The following SLC25A28 variants were observed in gnomAD, a reference collection of about 807,000 sequenced individuals.
The protein encoded by SLC25A28 is solute carrier family 25 member 28.
SLC25A28 carries 10 observed loss-of-function variants against 31.9 expected under a neutral mutation model. The ratio of observed to expected loss-of-function variants is 0.31; its 90% CI spans 0.19 to 0.53. SLC25A28 has a LOEUF of 0.53. Ranked by LOEUF, SLC25A28 falls within the 20% of genes least tolerant of loss-of-function variation. The probability of loss-of-function intolerance (pLI) is 0.95; values close to 1 mark genes in which losing one functional copy is unlikely to be tolerated. For synonymous variants in SLC25A28, 208 were observed against 203.6 expected, an observed-to-expected ratio of 1.02 and a Z score of -0.19; for missense variants, 256 against 490.3, an observed-to-expected ratio of 0.52 and a Z score of 4.51.
At chr10:99,641,588 T>A in the SLC25A28 span, among the ~76,000 whole-genome samples, 19 of 152,126 alleles carry the variant, frequency 1.2e-4, no homozygotes, top group South Asian at 1.2e-3. Flanking sequence ...CCCATTTGTC[T>A]ATTTTGGCTT....
chr10:99,642,807 G>C, the SLC25A28 span, among the ~76,000 whole-genome samples: 1 of 152,174 alleles, frequency 6.6e-6, no homozygotes, highest in African/African-American at 2.4e-5. Flanking sequence ...GGCCTTTGCT[G>C]CATCTATTGA....
chr10:99,631,929 G>T, the SLC25A28 span, among the ~76,000 whole-genome samples: 828 of 110,884 alleles, frequency 7.5e-3, 37 homozygotes, highest in Admixed American at 0.091. Context: ...TCGCTCTGTC[G>T]CCCAGGCCGG....
the SLC25A28 span, among the ~76,000 whole-genome samples, chr10:99,649,740 C>G: frequency 0.85 from 130,053 of 152,210 alleles, 55,668 homozygotes; most frequent in Middle Eastern, 0.92. Context: ...ATTCTAGTTT[C>G]TGGGCATACA....
At chr10:99,641,291 T>C in the SLC25A28 span, among the ~76,000 whole-genome samples, 260 of 152,362 alleles carry the variant, frequency 1.7e-3, 4 homozygotes, top group South Asian at 0.046. Context: ...CATTGTGGTT[T>C]TGATTTGCAT....
chr10:99,633,144 A>T, the SLC25A28 span, among the ~76,000 whole-genome samples: 41 of 152,314 alleles, frequency 2.7e-4, no homozygotes, highest in African/African-American at 9.4e-4. Flanking sequence ...TTCATTTAAA[A>T]AAAAAAAGTT....
the SLC25A28 span, among the ~76,000 whole-genome samples, chr10:99,629,516 C>A: frequency 1.2e-4 from 18 of 152,204 alleles, no homozygotes; most frequent in African/African-American, 4.3e-4. Context: ...AAGGTGGAAA[C>A]AGTCCAAATG....
chr10:99,622,102 G>GA (rs763228986), upstream of SLC25A28, among the ~76,000 whole-genome samples: 4 of 152,066 alleles, frequency 2.6e-5, no homozygotes, highest in Non-Finnish European at 4.4e-5. Context: ...ACGATTTATT[G>GA]AGCTCAGGAG....
At chr10:99,627,163 C>T in the SLC25A28 span, among the ~76,000 whole-genome samples, 29 of 152,054 alleles carry the variant, frequency 1.9e-4, no homozygotes, top group African/African-American at 7.0e-4. Context: ...ATGGCTTGAA[C>T]CAGGGAGGCA....
chr10:99,613,560 A>C lies in SLC25A28; in HGVS notation c.520+136T>G, dbSNP rs764629135. On this transcript the variant is annotated intron_variant, in intron 2 of 3. Transcript: ENST00000370495. The surrounding 1 kb of genome is among the most constrained non-coding windows in gnomAD (Gnocchi z 4.9). ...CGTTGTCTGAGAACATCAGGTTTGGAAGTCCCTCCCTTATAATCTGGCCTA... is the reference window on the plus strand; with the variant it reads ...CGTTGTCTGAGAACATCAGGTTTGGCAGTCCCTCCCTTATAATCTGGCCTA... 1 of 1,507,868 alleles carries C rather than the reference A, an allele frequency of 6.6e-7. No individual in the cohort carries two copies. Among genetic ancestry groups the C allele is most frequent in the African/African-American group, 1.4e-5 (1 of 71,950 alleles). 93.4% of individuals were successfully genotyped at this position (1,507,868 alleles called of 1,614,324 possible).
At position 99,610,701 on chromosome 10, in the gene SLC25A28, C is replaced by T; in HGVS notation, c.*148G>A. On this transcript the variant is annotated 3_prime_UTR_variant, in exon 4 of 4. Coordinates refer to ENST00000370495, the MANE Select transcript of SLC25A28 (RefSeq NM_031212.4). ...TGGTGGCAACAGAGGTTGGCAGGAA[C>T]TGGTGTTAGTCAAAACACCAAAATC... is the stretch of plus-strand genomic sequence containing the variant. 1.1e-6 allele frequency: 1 copy of T among 935,110 alleles called. No homozygotes were observed. Among genetic ancestry groups the T allele is most frequent in the Non-Finnish European group, 1.6e-6 (1 of 628,742 alleles). The allele number at this position is 935,110 out of a possible 1,614,324, so 57.9% of individuals were successfully genotyped here. A position where few individuals can be genotyped will look rare whatever the true frequency, so the allele number is the denominator to read the frequency against.
chr10:99,618,859 C>T, intron 1 of SLC25A28: 1 of 985,426 alleles, frequency 1.0e-6, no homozygotes, highest in East Asian at 1.1e-4. Context: ...CTTTGCCTTT[C>T]CCAAGTTGAT....
At chr10:99,619,237 C>G (rs1313311596) in intron 1 of SLC25A28, 2 of 985,264 alleles carry the variant, frequency 2.0e-6, no homozygotes, top group Non-Finnish European at 2.4e-6. Context: ...TTTCTTCATA[C>G]TTACATCTAC....
At chr10:99,639,826 C>A in the SLC25A28 span, among the ~76,000 whole-genome samples, 1 of 151,848 alleles carries the variant, frequency 6.6e-6, no homozygotes, top group Non-Finnish European at 1.5e-5. Flanking sequence ...GAAAGTTATT[C>A]TCATAGCGAC....
At chr10:99,645,980 G>A in the SLC25A28 span, among the ~76,000 whole-genome samples, 2 of 152,316 alleles carry the variant, frequency 1.3e-5, no homozygotes, top group South Asian at 2.1e-4. Flanking sequence ...CTACTGGGAG[G>A]TGCCTCCCAG....
chr10:99,611,490 T>C lies in SLC25A28; in HGVS notation c.578-124A>G. Reference sequence around the variant, plus strand: ...GAATAGAGAGAGAAAAAAGTATGAGTGAGCTGCTGGCTAACCTGAGAAGTC... The same window carrying C: ...GAATAGAGAGAGAAAAAAGTATGAGCGAGCTGCTGGCTAACCTGAGAAGTC... On this transcript the variant is annotated intron_variant, in intron 3 of 3. Transcript: ENST00000370495. This position sits in a 1 kb window ranked among gnomAD's most constrained non-coding sequence, Gnocchi z 5.5. 1.6e-6 allele frequency: 2 copies of C among 1,230,284 alleles called. No homozygotes were observed. Among genetic ancestry groups the C allele is most frequent in the Non-Finnish European group, 2.3e-6 (2 of 887,412 alleles). The allele number at this position is 1,230,284 out of a possible 1,614,324, so 76.2% of individuals were successfully genotyped here.
the SLC25A28 span, among the ~76,000 whole-genome samples, chr10:99,636,652 AC>A: frequency 1.3e-5 from 2 of 152,238 alleles, no homozygotes; most frequent in African/African-American, 2.4e-5. Flanking sequence ...ATTCAAGGCT[AC>A]TATGAACACC....
upstream of SLC25A28, among the ~76,000 whole-genome samples, chr10:99,623,082 GA>G (rs1206479978): frequency 6.6e-6 from 1 of 152,194 alleles, no homozygotes; most frequent in East Asian, 1.9e-4. Flanking sequence ...AGGCCTTTCT[GA>G]GGAGACGACA....
the SLC25A28 span, among the ~76,000 whole-genome samples, chr10:99,647,130 G>T: frequency 6.6e-6 from 1 of 152,154 alleles, no homozygotes; most frequent in Admixed American, 6.5e-5. Flanking sequence ...AGACATTAAT[G>T]CAGATATCTT....
the SLC25A28 span, among the ~76,000 whole-genome samples, chr10:99,655,964 G>A: frequency 6.6e-6 from 1 of 152,154 alleles, no homozygotes; most frequent in Non-Finnish European, 1.5e-5. Flanking sequence ...AAGGAATTTG[G>A]ACCATATCTC....
Sources: gnomAD v4.1 joint callset for allele counts (sites outside exome capture counted in the v4.1 genomes callset) on GRCh38, gnomAD v4.1.1 for gene constraint, Gnocchi (gnomAD v3.1) non-coding constraint, MANE v1.5 for transcripts, NCBI Gene and HGNC (gene_info 2026-07-23, HGNC 2026-07-21) for gene names.